ATP9A: variants seen among roughly 807,000 people sequenced by gnomAD.
The protein encoded by ATP9A is probable phospholipid-transporting ATPase IIA.
In ATP9A, 52 loss-of-function variants were observed where a neutral mutation model predicts 144.1. The observed-to-expected ratio is 0.36, with a 90% CI of 0.29 to 0.45. The LOEUF (loss-of-function observed/expected upper bound fraction) is 0.45, where lower values mean the gene tolerates loss of function less well. ATP9A is among the 20% of genes least tolerant of loss of function. ATP9A has a pLI of 1.00. For synonymous variants in ATP9A, 582 were observed against 557.4 expected (o/e 1.04, Z -0.62); for missense variants, 947 against 1,392.7 (o/e 0.68, Z 5.09).
chr20:51,706,559 G>C (rs560368666), intron 4 of ATP9A, among the ~76,000 whole-genome samples: 1 of 152,212 alleles, frequency 6.6e-6, no homozygotes, highest in Admixed American at 6.5e-5. Flanking sequence ...CCAGGAGTTC[G>C]AGACTGGCCT....
intron 1 of ATP9A, among the ~76,000 whole-genome samples, chr20:51,752,756 C>T (rs2077837923): frequency 6.6e-6 from 1 of 152,132 alleles, no homozygotes; most frequent in Non-Finnish European, 1.5e-5. Context: ...GAGTCAGTGC[C>T]TCTCTCTACT....
intron 21 of ATP9A, 75 bp from the exon 22 acceptor site, chr20:51,617,629 G>T: frequency 2.0e-6 from 3 of 1,518,928 alleles, no homozygotes; most frequent in Admixed American, 3.8e-5. Flanking sequence ...TGTCTTTACC[G>T]CACTCTCGTC....
At chr20:51,712,555 A>G (rs1320817327) in intron 4 of ATP9A, among the ~76,000 whole-genome samples, 1 of 152,228 alleles carries the variant, frequency 6.6e-6, no homozygotes, top group Non-Finnish European at 1.5e-5. Context: ...TCTAAAAACT[A>G]AAGTAGCAAC....
intron 14 of ATP9A, among the ~76,000 whole-genome samples, chr20:51,650,658 G>T (rs2077360303): frequency 6.6e-6 from 1 of 152,140 alleles, no homozygotes; most frequent in Admixed American, 6.6e-5. Flanking sequence ...GTGTCGCAGA[G>T]GAAGAAGCCT....
intron 5 of ATP9A, among the ~76,000 whole-genome samples, chr20:51,696,934 G>A (rs911906515): frequency 2.6e-5 from 4 of 152,036 alleles, no homozygotes; most frequent in African/African-American, 7.2e-5. Context: ...ATACTGACAC[G>A]GCTATTTTTT....
At chr20:51,728,475 A>C (rs1414978804) in intron 2 of ATP9A, among the ~76,000 whole-genome samples, 2 of 152,004 alleles carry the variant, frequency 1.3e-5, no homozygotes, top group African/African-American at 4.8e-5. Context: ...AAAAATACAA[A>C]AAATTAGCCG....
intron 13 of ATP9A, among the ~76,000 whole-genome samples, chr20:51,658,325 G>A (rs1236894716): frequency 6.6e-6 from 1 of 152,008 alleles, no homozygotes; most frequent in East Asian, 1.9e-4. Context: ...TGGGTGTGGT[G>A]GCACTGTAAT....
chr20:51,666,390 G>A (rs1233440524), intron 13 of ATP9A, among the ~76,000 whole-genome samples: 11 of 152,106 alleles, frequency 7.2e-5, no homozygotes, highest in South Asian at 2.1e-4. Context: ...TGTACTTTAC[G>A]AAACACTGGG....
intron 17 of ATP9A, 55 bp from the exon 18 acceptor site, chr20:51,625,417 A>C: frequency 6.4e-7 from 1 of 1,554,356 alleles, no homozygotes; most frequent in Non-Finnish European, 8.7e-7. Context: ...GGCCAGGCTG[A>C]CTGGCCAGTG....
At chr20:51,631,973 CAT>C (rs1262450197) in intron 15 of ATP9A, among the ~76,000 whole-genome samples, 19 of 152,360 alleles carry the variant, frequency 1.2e-4, no homozygotes, top group South Asian at 6.2e-4. Flanking sequence ...TGCACTCACA[CAT>C]GTTTAAAAAA....
At chr20:51,678,788 C>T (rs907046984) in intron 9 of ATP9A, among the ~76,000 whole-genome samples, 1 of 152,184 alleles carries the variant, frequency 6.6e-6, no homozygotes, top group Non-Finnish European at 1.5e-5. Context: ...GTGCCCTCTA[C>T]GTCTGGCCTG....
chr20:51,746,721 C>G (rs759925997), intron 1 of ATP9A, among the ~76,000 whole-genome samples: 1 of 152,228 alleles, frequency 6.6e-6, no homozygotes, highest in Non-Finnish European at 1.5e-5. Flanking sequence ...CACCTGTAGT[C>G]CCAGCTACTC....
rs576123902 is a variant in ATP9A, at chr20:51,617,756, G to A, written c.2351-202C>T. Among the ~76,000 whole-genome samples, 173 of 152,260 alleles carry A rather than the reference G, an allele frequency of 1.1e-3. 1 individual carries two copies. The highest frequency in any genetic ancestry group is 4.0e-3 in the African/African-American group (168 of 41,550). ...TGGCTGAGTGTCAGAGAGCCCAGGC[G>A]GCTTGCCAAGGGTCCCGGCACTGAG... is the stretch of plus-strand genomic sequence containing the variant. On this transcript the variant is annotated intron_variant, in intron 21 of 27. Transcript: ENST00000338821.
intron 3 of ATP9A, among the ~76,000 whole-genome samples, chr20:51,721,175 C>T (rs1879090985): frequency 6.6e-6 from 1 of 152,264 alleles, no homozygotes; most frequent in Non-Finnish European, 1.5e-5. Context: ...ACTCCCTGGT[C>T]CCTGAGCATC....
At chr20:51,648,738 G>A (rs539754044) in intron 14 of ATP9A, among the ~76,000 whole-genome samples, 4 of 152,232 alleles carry the variant, frequency 2.6e-5, no homozygotes, top group East Asian at 1.9e-4. Flanking sequence ...AGGCTGAGGC[G>A]GGAGGACTGC....
Position 51,729,883 on chromosome 20 carries a change from C to A in ATP9A, c.164G>T (p.Arg55Leu). 2 of 1,606,162 alleles carry A rather than the reference C, an allele frequency of 1.2e-6. No homozygotes were observed. The highest frequency in any genetic ancestry group is 1.7e-6 in the Non-Finnish European group (2 of 1,177,466). The change falls in exon 2 of 28, where the codon CGG (arginine) becomes CTG (leucine). Residue 55 changes from arginine to leucine, a missense_variant. Physicochemically the swap from Arg to Leu is moderately radical, Grantham distance 102 (BLOSUM62 -2). Coordinates refer to ENST00000338821, the MANE Select transcript of ATP9A (RefSeq NM_006045.3). ...HPEKRDQRYPRNVINNQKYNF... is the reference protein window; with the variant it reads ...HPEKRDQRYPLNVINNQKYNF... ...GTACTTCTGATTGTTGATGACATTC[C>A]GAGGATACCTCTGGTCTCTCTTCTC... is the stretch of plus-strand genomic sequence containing the variant.
chr20:51,759,413 C>T lies in ATP9A; in HGVS notation c.68+8889G>A, dbSNP rs542655669. On this transcript the variant is annotated intron_variant, in intron 1 of 27. Coordinates refer to ENST00000338821, the MANE Select transcript of ATP9A (RefSeq NM_006045.3). Reference sequence around the variant, plus strand: ...CACGGCCGGGTGCGGTGGCTCATGCCTGTGATCCCAGCACTTTGGGAGGCC... The same window carrying T: ...CACGGCCGGGTGCGGTGGCTCATGCTTGTGATCCCAGCACTTTGGGAGGCC... Among the ~76,000 whole-genome samples the T allele has an allele frequency of 3.7e-3, 562 of 152,328 alleles. 4 individuals carry two copies. Among genetic ancestry groups the T allele is most frequent in the African/African-American group, 0.012 (490 of 41,578 alleles).
At chr20:51,634,482 G>C (rs2077282384) in intron 15 of ATP9A, among the ~76,000 whole-genome samples, 2 of 152,136 alleles carry the variant, frequency 1.3e-5, no homozygotes. Flanking sequence ...GGGAGAGAAA[G>C]CTCCCTCTCC....
At chr20:51,675,887 G>GAAAAAAAAAAAA (rs375688302) in intron 10 of ATP9A, among the ~76,000 whole-genome samples, 3 of 103,500 alleles carry the variant, frequency 2.9e-5, no homozygotes, top group African/African-American at 6.1e-5. Flanking sequence ...CTCAAAAAAA[G>GAAAAAAAAAAAA]AAAAAAAAAA....
Sources: gnomAD v4.1 joint callset for allele counts (sites outside exome capture counted in the v4.1 genomes callset) on GRCh38, gnomAD v4.1.1 for gene constraint, MANE v1.5 for transcripts, NCBI Gene and HGNC (gene_info 2026-07-23, HGNC 2026-07-21) for gene names.